Variants in KLF12 observed in about 807,000 individuals in gnomAD.
The protein encoded by KLF12 is KLF transcription factor 12.
KLF12 carries 9 observed loss-of-function variants against 37.8 expected under a neutral mutation model. That is an observed-to-expected ratio of 0.24 (90% confidence interval 0.14 to 0.42). The LOEUF (loss-of-function observed/expected upper bound fraction) is 0.42. Among genes scored for constraint, KLF12 ranks in the 10% least tolerant of loss-of-function variants. The pLI is 1.00. For missense variants in KLF12, 411 were observed against 516.0 expected (o/e 0.80, Z 1.97); for synonymous variants, 208 against 202.1 (o/e 1.03, Z -0.25).
chr13:74,108,631 A>G (rs1310782158), intron 1 of KLF12, among the ~76,000 whole-genome samples: 1 of 152,212 alleles, frequency 6.6e-6, no homozygotes, highest in Non-Finnish European at 1.5e-5. Flanking sequence ...CTGATGACAT[A>G]AACACTTGAC....
chr13:73,791,790 T>A (rs1400946801), intron 5 of KLF12, among the ~76,000 whole-genome samples: 1 of 152,202 alleles, frequency 6.6e-6, no homozygotes, highest in Non-Finnish European at 1.5e-5. Flanking sequence ...AGTCCTATTG[T>A]CAGATCAAAT....
the KLF12 span, among the ~76,000 whole-genome samples, chr13:74,157,646 T>A: frequency 7.9e-5 from 12 of 152,178 alleles, no homozygotes; most frequent in African/African-American, 2.9e-4. Context: ...TTCCTGGGGA[T>A]CCATTACAAA....
chr13:74,217,068 A>G, the KLF12 span, among the ~76,000 whole-genome samples: 1 of 152,180 alleles, frequency 6.6e-6, no homozygotes, highest in Admixed American at 6.5e-5. Context: ...ATATACACAC[A>G]TATCTAGGGA....
the KLF12 span, among the ~76,000 whole-genome samples, chr13:74,151,283 A>C: frequency 6.6e-6 from 1 of 152,218 alleles, no homozygotes; most frequent in African/African-American, 2.4e-5. Context: ...TAAAACTATA[A>C]TTACAACTAG....
the KLF12 span, among the ~76,000 whole-genome samples, chr13:74,175,076 C>A: frequency 6.6e-6 from 1 of 152,182 alleles, no homozygotes; most frequent in Non-Finnish European, 1.5e-5. Context: ...ACTGTCACTG[C>A]CACCAGTACT....
At chr13:73,875,211 C>T (rs1413831033) in intron 3 of KLF12, among the ~76,000 whole-genome samples, 2 of 151,868 alleles carry the variant, frequency 1.3e-5, no homozygotes, top group African/African-American at 4.8e-5. Context: ...AGTTAGGAAG[C>T]ATAATAACAT....
chr13:74,189,649 C>G, the KLF12 span, among the ~76,000 whole-genome samples: 1 of 152,202 alleles, frequency 6.6e-6, no homozygotes, highest in Non-Finnish European at 1.5e-5. Context: ...TCTCCAACCC[C>G]TCAGTTCAAC....
intron 1 of KLF12, among the ~76,000 whole-genome samples, chr13:74,088,015 T>C (rs1875417631): frequency 6.6e-6 from 1 of 152,088 alleles, no homozygotes; most frequent in Non-Finnish European, 1.5e-5. Flanking sequence ...CCTTGAAACT[T>C]CACAGGGACG....
intron 1 of KLF12, among the ~76,000 whole-genome samples, chr13:74,089,665 G>C (rs1167881190): frequency 1.3e-5 from 2 of 151,348 alleles, no homozygotes; most frequent in African/African-American, 4.9e-5. Flanking sequence ...TTAATGTAAT[G>C]CACCATAGCA....
intron 6 of KLF12, among the ~76,000 whole-genome samples, chr13:73,747,832 A>G (rs1475875717): frequency 6.8e-6 from 1 of 147,794 alleles, no homozygotes; most frequent in African/African-American, 2.5e-5. Flanking sequence ...TGATTTATTG[A>G]TCCCTACTCT....
At chr13:73,956,397 C>A (rs1890833139) in intron 2 of KLF12, among the ~76,000 whole-genome samples, 1 of 152,140 alleles carries the variant, frequency 6.6e-6, no homozygotes, top group South Asian at 2.1e-4. Flanking sequence ...GACATCTGCA[C>A]TACAGACATT....
the KLF12 span, among the ~76,000 whole-genome samples, chr13:74,254,170 T>C: frequency 0.041 from 6,299 of 152,282 alleles, 143 homozygotes; most frequent in Middle Eastern, 0.071. Flanking sequence ...GTGGATTATT[T>C]TGTTTTTGCC....
At chr13:74,199,054 G>A in the KLF12 span, among the ~76,000 whole-genome samples, 1 of 152,212 alleles carries the variant, frequency 6.6e-6, no homozygotes. Flanking sequence ...CATGAGAACA[G>A]CCCATGAGTC....
chr13:73,764,827 C>T (rs1023344066), intron 6 of KLF12, 111 bp downstream of exon 6: 2 of 601,704 alleles, frequency 3.3e-6, no homozygotes, highest in Non-Finnish European at 2.9e-6. Context: ...GTCCAGTTAG[C>T]AGGTATGTAC....
chr13:74,093,455 T>C (rs902698821), intron 1 of KLF12, among the ~76,000 whole-genome samples: 4 of 152,100 alleles, frequency 2.6e-5, no homozygotes, highest in Admixed American at 6.6e-5. Context: ...CTCAAAATAA[T>C]ATAGCATAAA....
At chr13:73,977,836 C>G (rs900027028) in intron 2 of KLF12, among the ~76,000 whole-genome samples, 2 of 152,218 alleles carry the variant, frequency 1.3e-5, no homozygotes, top group African/African-American at 4.8e-5. Flanking sequence ...GTCAACTAAT[C>G]TTTAACAAAG....
chr13:73,913,390 C>CT (rs1888666262), intron 3 of KLF12, among the ~76,000 whole-genome samples: 2 of 152,228 alleles, frequency 1.3e-5, no homozygotes, highest in Admixed American at 1.3e-4. Context: ...GGAACGAGGG[C>CT]TAGTCCTCGG....
intron 1 of KLF12, among the ~76,000 whole-genome samples, chr13:74,006,828 T>G (rs1338663594): frequency 6.6e-6 from 1 of 152,190 alleles, no homozygotes; most frequent in Non-Finnish European, 1.5e-5. Flanking sequence ...TGCCACCTCA[T>G]CTCCTTTAGG....
At chr13:74,262,097 G>A in the KLF12 span, among the ~76,000 whole-genome samples, 1 of 152,180 alleles carries the variant, frequency 6.6e-6, no homozygotes, top group Non-Finnish European at 1.5e-5. Flanking sequence ...TCCAGAAGTG[G>A]TGTAAATAAT....
Sources: gnomAD v4.1 joint callset for allele counts (sites outside exome capture counted in the v4.1 genomes callset) on GRCh38, gnomAD v4.1.1 for gene constraint, MANE v1.5 for transcripts, NCBI Gene and HGNC (gene_info 2026-07-23, HGNC 2026-07-21) for gene names.